TMEM266: variants seen among roughly 807,000 people sequenced by gnomAD.
TMEM266 encodes transmembrane protein 266.
Under a neutral mutation model 50.5 loss-of-function variants are expected in TMEM266, and 33 were observed. The observed-to-expected ratio is 0.65, with a 90% CI of 0.50 to 0.87. TMEM266 has a LOEUF of 0.87. TMEM266 is among the 40% of genes least tolerant of loss of function. The pLI, the probability that TMEM266 is intolerant of heterozygous loss-of-function variation, is 0.00. For missense variants in TMEM266, 655 were observed against 695.1 expected (o/e 0.94, Z 0.65); for synonymous variants, 310 against 292.3 (o/e 1.06, Z -0.62).
intron 10 of TMEM266, 41 bp downstream of exon 10, chr15:76,202,305 C>T (rs2038761546): frequency 1.3e-6 from 2 of 1,555,760 alleles, no homozygotes; most frequent in Non-Finnish European, 1.8e-6. Flanking sequence ...GCCACAACCC[C>T]AGCAATCCCT....
At chr15:76,197,922 A>C (rs2142088095) in intron 9 of TMEM266, among the ~76,000 whole-genome samples, 1 of 152,324 alleles carries the variant, frequency 6.6e-6, no homozygotes, top group South Asian at 2.1e-4. Context: ...AAACCCACAT[A>C]ATGAGCATTG....
chr15:76,062,292 A>C (rs1194427253), intron 1 of TMEM266, among the ~76,000 whole-genome samples: 1 of 152,204 alleles, frequency 6.6e-6, no homozygotes, highest in African/African-American at 2.4e-5. Context: ...GAAATATAAG[A>C]CTATCTCTTT....
chr15:76,201,980 C>A (rs1567187151), intron 9 of TMEM266, among the ~76,000 whole-genome samples: 1 of 152,192 alleles, frequency 6.6e-6, no homozygotes, highest in Non-Finnish European at 1.5e-5. Flanking sequence ...AAGGCAGATG[C>A]TTCATCAGAA....
At chr15:76,203,339 C>T (rs1459442869) in intron 10 of TMEM266, among the ~76,000 whole-genome samples, 2 of 152,212 alleles carry the variant, frequency 1.3e-5, no homozygotes, top group Admixed American at 6.5e-5. Context: ...CAAAAGCCCA[C>T]TGTAGGTTGG....
At chr15:76,193,381 CAATT>C (rs2038610620) in intron 9 of TMEM266, among the ~76,000 whole-genome samples, 1 of 152,138 alleles carries the variant, frequency 6.6e-6, no homozygotes, top group Non-Finnish European at 1.5e-5. Context: ...CCATCTCACC[CAATT>C]AATGTTTTTA....
chr15:76,198,269 C>T (rs1024812058), intron 9 of TMEM266, among the ~76,000 whole-genome samples: 3 of 152,194 alleles, frequency 2.0e-5, no homozygotes, highest in African/African-American at 7.2e-5. Context: ...GTTCTGAAGC[C>T]TGTGTTTGTG....
chr15:76,067,332 C>T (rs1433989297), intron 1 of TMEM266, among the ~76,000 whole-genome samples: 1 of 152,138 alleles, frequency 6.6e-6, no homozygotes, highest in African/African-American at 2.4e-5. Flanking sequence ...TGCAACAGCA[C>T]ATTCTGGGAC....
At chr15:76,109,368 C>T (rs966052533) in intron 1 of TMEM266, among the ~76,000 whole-genome samples, 2 of 152,180 alleles carry the variant, frequency 1.3e-5, no homozygotes, top group African/African-American at 4.8e-5. Context: ...GGCCCAACAC[C>T]AGGTTCCTCC....
At chr15:76,156,216 C>T (rs1409437074) in intron 3 of TMEM266, among the ~76,000 whole-genome samples, 1 of 152,090 alleles carries the variant, frequency 6.6e-6, no homozygotes, top group African/African-American at 2.4e-5. Context: ...AAAAATTAGC[C>T]GGGCATGGTG....
rs140095978 is a variant in TMEM266 at position 76,067,767 on chromosome 15, G to A, written c.-97+7751G>A. Among the ~76,000 whole-genome samples the A allele has an allele frequency of 1.0e-3, 158 of 151,716 alleles. 4 individuals carry two copies. Among genetic ancestry groups the A allele is most frequent in the Non-Finnish European group, 5.6e-4 (38 of 67,920 alleles). ...TGTGACTGTTAAAATCATCCTTGGG[G>A]TATTTTTTTGTGGGGGGCATTGTAA... is the stretch of plus-strand genomic sequence containing the variant. On this transcript the variant is annotated intron_variant, in intron 1 of 10. Coordinates refer to ENST00000388942, the MANE Select transcript of TMEM266 (RefSeq NM_152335.3).
intron 1 of TMEM266, among the ~76,000 whole-genome samples, chr15:76,064,770 C>T (rs1308368569): frequency 6.6e-6 from 1 of 152,214 alleles, no homozygotes; most frequent in African/African-American, 2.4e-5. Context: ...AGTATTTTTG[C>T]CCTTTGCAGC....
At chr15:76,064,758 TA>T (rs2141979725) in intron 1 of TMEM266, among the ~76,000 whole-genome samples, 1 of 152,344 alleles carries the variant, frequency 6.6e-6, no homozygotes, top group East Asian at 1.9e-4. Context: ...GGAATTTTAA[TA>T]AGTATTTTTG....
At chr15:76,137,351 C>T (rs905771224) in intron 2 of TMEM266, among the ~76,000 whole-genome samples, 13 of 152,226 alleles carry the variant, frequency 8.5e-5, no homozygotes, top group Non-Finnish European at 1.5e-5. Context: ...CATACAGAGT[C>T]CAGTGACCCA....
intron 1 of TMEM266, among the ~76,000 whole-genome samples, chr15:76,061,545 T>C (rs1374339362): frequency 6.6e-6 from 1 of 152,230 alleles, no homozygotes; most frequent in Non-Finnish European, 1.5e-5. Context: ...CATGAGCATG[T>C]TGGCTTGGGT....
At chr15:76,103,357 C>G (rs778842520) in intron 1 of TMEM266, among the ~76,000 whole-genome samples, 7 of 151,398 alleles carry the variant, frequency 4.6e-5, no homozygotes, top group Non-Finnish European at 1.0e-4. Flanking sequence ...AAAAATCAGC[C>G]AGTCATGGTG....
At chr15:76,069,117 TAGTTTA>T (rs2036493018) in intron 1 of TMEM266, among the ~76,000 whole-genome samples, 1 of 152,154 alleles carries the variant, frequency 6.6e-6, no homozygotes, top group African/African-American at 2.4e-5. Context: ...AGAAAAAAGA[TAGTTTA>T]AGTTTTCAAA....
intron 1 of TMEM266, among the ~76,000 whole-genome samples, chr15:76,077,636 G>C (rs1394788403): frequency 6.6e-6 from 1 of 152,126 alleles, no homozygotes; most frequent in Non-Finnish European, 1.5e-5. Context: ...ATTAGCCTCA[G>C]AAGAAGTTGT....
In TMEM266 at chr15:76,169,819, G is replaced by A. The variant is rs1198676505; in HGVS notation, c.460G>A (p.Val154Ile). 8.1e-6 allele frequency: 13 copies of A among 1,613,816 alleles called. No individual in the cohort carries two copies. Among genetic ancestry groups the A allele is most frequent in the Non-Finnish European group, 1.1e-5 (13 of 1,179,852 alleles). The change falls in exon 6 of 11, where the codon GTT (valine) becomes ATT (isoleucine). Residue 154 changes from valine to isoleucine, a missense_variant. Coordinates refer to ENST00000388942, the MANE Select transcript of TMEM266 (RefSeq NM_152335.3). ...CTTTCTCACTTCCTTTCCTCAGACT[G>A]TTCTACGGATTGTGGTGCTTGGGAT...
chr15:76,084,162 A>G (rs2959844), intron 1 of TMEM266, among the ~76,000 whole-genome samples: 8,039 of 152,132 alleles, frequency 0.053, 676 homozygotes, highest in African/African-American at 0.18. Flanking sequence ...AAAATCAAAA[A>G]AATTAGCCTG....
Sources: gnomAD v4.1 joint callset for allele counts (sites outside exome capture counted in the v4.1 genomes callset) on GRCh38, gnomAD v4.1.1 for gene constraint, MANE v1.5 for transcripts, NCBI Gene and HGNC (gene_info 2026-07-23, HGNC 2026-07-21) for gene names.